The following SYN3 variants were observed in gnomAD, a reference collection of about 807,000 sequenced individuals.
SYN3 encodes synapsin-3.
In SYN3, 35 loss-of-function variants were observed where a neutral mutation model predicts 65.8. That is an observed-to-expected ratio of 0.53 (90% confidence interval 0.41 to 0.70). The LOEUF (loss-of-function observed/expected upper bound fraction) is 0.70, where lower values mean the gene tolerates loss of function less well. SYN3 is among the 30% of genes least tolerant of loss of function. The pLI, the probability that SYN3 is intolerant of heterozygous loss-of-function variation, is 0.00. For missense variants in SYN3, 680 were observed against 749.0 expected (o/e 0.91, Z 1.08); for synonymous variants, 270 against 292.9 (o/e 0.92, Z 0.80).
At chr22:32,587,240 A>G (rs993414002) in intron 7 of SYN3, among the ~76,000 whole-genome samples, 22 of 150,182 alleles carry the variant, frequency 1.5e-4, no homozygotes, top group East Asian at 9.8e-4. Flanking sequence ...AAAAAAAAAA[A>G]AAAGAGAGAG....
intron 7 of SYN3, among the ~76,000 whole-genome samples, chr22:32,580,865 T>C (rs184534637): frequency 7.1e-4 from 108 of 152,282 alleles, no homozygotes; most frequent in African/African-American, 2.3e-3. Context: ...GCCTAGATCA[T>C]GGTCTAGCAG....
At chr22:33,058,021 C>G (rs1291982880) in intron 1 of SYN3, among the ~76,000 whole-genome samples, 1 of 151,992 alleles carries the variant, frequency 6.6e-6, no homozygotes, top group Non-Finnish European at 1.5e-5. Context: ...GCCCCCGGCT[C>G]CCGGGCCCGG....
At chr22:32,928,371 C>T (rs1448330655) in intron 4 of SYN3, among the ~76,000 whole-genome samples, 1 of 152,102 alleles carries the variant, frequency 6.6e-6, no homozygotes, top group Non-Finnish European at 1.5e-5. Flanking sequence ...TTACCCCTAA[C>T]CTACCAAACA....
chr22:33,002,819 T>G (rs1018973152), intron 2 of SYN3, among the ~76,000 whole-genome samples: 1 of 152,184 alleles, frequency 6.6e-6, no homozygotes, highest in Non-Finnish European at 1.5e-5. Flanking sequence ...TAATACATAG[T>G]TACTTGGTGC....
intron 6 of SYN3, among the ~76,000 whole-genome samples, chr22:32,696,393 G>A (rs2060737037): frequency 6.6e-6 from 1 of 152,212 alleles, no homozygotes; most frequent in African/African-American, 2.4e-5. Flanking sequence ...ATTATGGAAA[G>A]ACAGGAATGA....
chr22:32,765,212 A>G (rs1341518377), intron 6 of SYN3, among the ~76,000 whole-genome samples: 1 of 152,166 alleles, frequency 6.6e-6, no homozygotes, highest in Non-Finnish European at 1.5e-5. Context: ...AGAAGTTAAA[A>G]TTAGCTCTGG....
chr22:32,652,379 G>GT (rs71187204), intron 6 of SYN3, among the ~76,000 whole-genome samples: 28,260 of 138,648 alleles, frequency 0.2, 3,753 homozygotes, highest in East Asian at 0.73. Flanking sequence ...TGCGATGCAA[G>GT]TTTTTTTTTT....
intron 6 of SYN3, among the ~76,000 whole-genome samples, chr22:32,769,596 A>AACCTC (rs1388035099): frequency 2.0e-5 from 3 of 150,076 alleles, no homozygotes; most frequent in Non-Finnish European, 4.4e-5. Flanking sequence ...GGCTCAACGC[A>AACCTC]ACCTCCGCCT....
intron 6 of SYN3, among the ~76,000 whole-genome samples, chr22:32,807,970 A>G (rs2046811332): frequency 1.3e-5 from 2 of 151,938 alleles, no homozygotes; most frequent in African/African-American, 4.8e-5. Context: ...TGACTTACTG[A>G]GTGTTTTTTT....
intron 13 of SYN3, among the ~76,000 whole-genome samples, chr22:32,515,243 A>G (rs540151320): frequency 6.6e-6 from 1 of 152,366 alleles, no homozygotes; most frequent in South Asian, 2.1e-4. Flanking sequence ...TTTAAGGCCC[A>G]GAGCCCCTGT....
chr22:32,802,341 C>A (rs1208810343), intron 6 of SYN3, among the ~76,000 whole-genome samples: 1 of 152,060 alleles, frequency 6.6e-6, no homozygotes, highest in Non-Finnish European at 1.5e-5. Context: ...CTGAGGGAGC[C>A]CCTGGCCGCC....
intron 1 of SYN3, among the ~76,000 whole-genome samples, chr22:33,030,932 G>C (rs540428176): frequency 6.6e-6 from 1 of 152,264 alleles, no homozygotes; most frequent in East Asian, 1.9e-4. Flanking sequence ...GATATATAGA[G>C]ATACAGAGAC....
intron 6 of SYN3, among the ~76,000 whole-genome samples, chr22:32,863,612 C>T (rs2048608747): frequency 6.6e-6 from 1 of 152,192 alleles, no homozygotes; most frequent in Non-Finnish European, 1.5e-5. Flanking sequence ...CCTCGCCTGA[C>T]TTTCATCCCA....
intron 6 of SYN3, among the ~76,000 whole-genome samples, chr22:32,787,925 T>C (rs1287053561): frequency 6.6e-6 from 1 of 152,030 alleles, no homozygotes; most frequent in African/African-American, 2.4e-5. Context: ...GAGCTGGGAC[T>C]GAGTTTGGCT....
chr22:32,525,317 C>T (rs530485143), intron 12 of SYN3, among the ~76,000 whole-genome samples: 16 of 152,338 alleles, frequency 1.1e-4, no homozygotes, highest in African/African-American at 3.8e-4. Flanking sequence ...GATGGAATTA[C>T]TGCAGCCTCG....
intron 8 of SYN3, among the ~76,000 whole-genome samples, chr22:32,539,385 T>A (rs2058217050): frequency 6.6e-6 from 1 of 152,166 alleles, no homozygotes; most frequent in Non-Finnish European, 1.5e-5. Flanking sequence ...AGATTAGCAA[T>A]CAGGAAAGGC....
chr22:32,693,653 G>A (rs1055708087), intron 6 of SYN3, among the ~76,000 whole-genome samples: 17 of 140,862 alleles, frequency 1.2e-4, no homozygotes, highest in Admixed American at 3.7e-4. Context: ...GTGCAGTGGC[G>A]CAATCTTGGC....
At chr22:32,687,775 A>T (rs2060610781) in intron 6 of SYN3, among the ~76,000 whole-genome samples, 1 of 152,178 alleles carries the variant, frequency 6.6e-6, no homozygotes, top group African/African-American at 2.4e-5. Context: ...CCTGTCTGGC[A>T]TTCTCTGTTC....
chr22:32,700,999 A>G (rs940516975), intron 6 of SYN3, among the ~76,000 whole-genome samples: 1 of 152,150 alleles, frequency 6.6e-6, no homozygotes, highest in Non-Finnish European at 1.5e-5. Flanking sequence ...CATTCAATCA[A>G]TCCCTAAGTC....
Sources: gnomAD v4.1 joint callset for allele counts (sites outside exome capture counted in the v4.1 genomes callset) on GRCh38, gnomAD v4.1.1 for gene constraint, MANE v1.5 for transcripts, NCBI Gene and HGNC (gene_info 2026-07-23, HGNC 2026-07-21) for gene names.